PVT1: variants seen among roughly 807,000 people sequenced by gnomAD.
PVT1 encodes Pvt1 oncogene.
intron 4 of PVT1, among the ~76,000 whole-genome samples, chr8:127,990,572 T>C (rs1281529153): frequency 1.3e-5 from 2 of 152,124 alleles, no homozygotes; most frequent in Non-Finnish European, 2.9e-5. Context: ...ATTTGAAAGC[T>C]ATGCAAGGGT....
At chr8:127,807,918 C>G (rs1348495791) in intron 2 of PVT1, among the ~76,000 whole-genome samples, 1 of 152,078 alleles carries the variant, frequency 6.6e-6, no homozygotes, top group East Asian at 1.9e-4. Context: ...CAGATGCCTG[C>G]TACCACGCCC....
At chr8:128,038,450 G>T (rs1453552657) in intron 4 of PVT1, among the ~76,000 whole-genome samples, 1 of 152,162 alleles carries the variant, frequency 6.6e-6, no homozygotes, top group Non-Finnish European at 1.5e-5. Context: ...GCCAAGTGAG[G>T]GAGGCTAAGA....
intron 2 of PVT1, among the ~76,000 whole-genome samples, chr8:127,878,873 G>A (rs1026944320): frequency 1.3e-5 from 2 of 152,196 alleles, no homozygotes; most frequent in Admixed American, 1.3e-4. Context: ...GGCCAGGGGT[G>A]GGCTGTTCTG....
At chr8:128,027,972 C>T (rs1309326540) in intron 4 of PVT1, among the ~76,000 whole-genome samples, 4 of 152,228 alleles carry the variant, frequency 2.6e-5, no homozygotes, top group Admixed American at 1.3e-4. Flanking sequence ...CTCCTGCAGG[C>T]GTAGGCTGCC....
At chr8:127,930,988 C>T (rs1253713776) in intron 3 of PVT1, among the ~76,000 whole-genome samples, 1 of 152,170 alleles carries the variant, frequency 6.6e-6, no homozygotes, top group African/African-American at 2.4e-5. Flanking sequence ...TCACTGCAGC[C>T]TCAACCTCCC....
At chr8:127,817,544 TATAC>T (rs1157220868) in intron 2 of PVT1, among the ~76,000 whole-genome samples, 3 of 117,862 alleles carry the variant, frequency 2.5e-5, no homozygotes, top group South Asian at 5.7e-4. Context: ...TATATATATA[TATAC>T]ACACACACAC....
intron 4 of PVT1, among the ~76,000 whole-genome samples, chr8:128,011,246 T>A (rs1419216704): frequency 6.6e-6 from 1 of 152,172 alleles, no homozygotes; most frequent in Non-Finnish European, 1.5e-5. Context: ...TTTGCTTCTG[T>A]TTAGCAAGAT....
At chr8:127,836,680 C>T (rs1301203211) in intron 2 of PVT1, among the ~76,000 whole-genome samples, 1 of 152,172 alleles carries the variant, frequency 6.6e-6, no homozygotes, top group Admixed American at 6.5e-5. Context: ...GTTACAGGCA[C>T]TGCTTTAAGT....
chr8:128,026,589 A>G lies in PVT1; in HGVS notation n.912+37298A>G, dbSNP rs532634303. Among the ~76,000 whole-genome samples the G allele has an allele frequency of 2.0e-5, 3 of 152,198 alleles. No individual in the cohort carries two copies. In the South Asian group the frequency reaches 6.2e-4, roughly 32 times the overall value. ...TCTGCAACCTGTCTCTCTGCATGCC[A>G]CATTGGCTTACGACCGAGATCAGCT... On this transcript the variant is annotated intron_variant and non_coding_transcript_variant, in intron 4 of 10. Transcript: ENST00000651587.
chr8:127,947,897 C>T, intron 3 of PVT1: 2 of 456,610 alleles, frequency 4.4e-6, no homozygotes, highest in South Asian at 3.1e-5. Flanking sequence ...GGCAGACAGA[C>T]AATATTATTA....
At chr8:128,078,147 G>A (rs1482927854) in intron 5 of PVT1, among the ~76,000 whole-genome samples, 11 of 152,166 alleles carry the variant, frequency 7.2e-5, no homozygotes, top group African/African-American at 2.4e-4. Flanking sequence ...AATGTCACAC[G>A]TTGGAAGATG....
intron 2 of PVT1, among the ~76,000 whole-genome samples, chr8:127,800,083 C>T (rs981137958): frequency 1.3e-5 from 2 of 152,230 alleles, no homozygotes; most frequent in African/African-American, 2.4e-5. Flanking sequence ...GGAGGAGAAT[C>T]ACTTCTCCCT....
chr8:127,962,705 T>A (rs1426302196), intron 3 of PVT1, among the ~76,000 whole-genome samples: 1 of 152,164 alleles, frequency 6.6e-6, no homozygotes, highest in Non-Finnish European at 1.5e-5. Context: ...CAAGTGATTC[T>A]GCTGTCTCAG....
chr8:128,065,872 C>T (rs1586505053), intron 4 of PVT1, among the ~76,000 whole-genome samples: 1 of 152,218 alleles, frequency 6.6e-6, no homozygotes, highest in Admixed American at 6.5e-5. Context: ...GTTCATTCAC[C>T]TACTCATTTC....
chr8:127,998,907 A>C (rs1049786278), intron 4 of PVT1, among the ~76,000 whole-genome samples: 1 of 145,876 alleles, frequency 6.9e-6, no homozygotes, highest in Non-Finnish European at 1.5e-5. Context: ...TTCTGGCACT[A>C]TAAGATGCTT....
intron 3 of PVT1, among the ~76,000 whole-genome samples, chr8:127,962,722 G>T (rs187199792): frequency 6.6e-6 from 1 of 151,944 alleles, no homozygotes; most frequent in South Asian, 2.1e-4. Flanking sequence ...TCAGCCTCCC[G>T]AGTAGCTGGG....
Position 127,870,604 on chromosome 8 carries a change from A to G in PVT1, n.373-19985A>G, listed in dbSNP as rs77758666. Among the ~76,000 whole-genome samples, 507 of 152,290 alleles carry G rather than the reference A, an allele frequency of 3.3e-3. 4 individuals are homozygous for G. The highest frequency in any genetic ancestry group is 0.012 in the African/African-American group (482 of 41,566). On this transcript the variant is annotated intron_variant and non_coding_transcript_variant, in intron 2 of 10. Transcript: ENST00000651587. ...CTACTTGGTAAATATTTACTGAATGAAGGAAAGCTGAAGTATCTGTAGAAC... is the reference window on the plus strand; with the variant it reads ...CTACTTGGTAAATATTTACTGAATGGAGGAAAGCTGAAGTATCTGTAGAAC...
chr8:127,875,831 G>A (rs1815398666), intron 2 of PVT1, among the ~76,000 whole-genome samples: 1 of 152,250 alleles, frequency 6.6e-6, no homozygotes, highest in Non-Finnish European at 1.5e-5. Flanking sequence ...ACAGAATGGA[G>A]CTCAGTAAGG....
intron 3 of PVT1, among the ~76,000 whole-genome samples, chr8:127,926,949 G>A (rs538635698): frequency 1.0e-3 from 156 of 152,270 alleles, no homozygotes; most frequent in African/African-American, 3.7e-3. Flanking sequence ...CACAGCCTTG[G>A]CACTGTTCCC....
Sources: gnomAD v4.1 joint callset for allele counts (sites outside exome capture counted in the v4.1 genomes callset) on GRCh38, gnomAD v4.1.1 for gene constraint, MANE v1.5 for transcripts, NCBI Gene and HGNC (gene_info 2026-07-23, HGNC 2026-07-21) for gene names.